The following SOX6 variants were observed in gnomAD, a reference collection of about 807,000 sequenced individuals.
SOX6 encodes the protein transcription factor SOX-6.
SOX6 carries 11 observed loss-of-function variants against 97.8 expected under a neutral mutation model. That is an observed-to-expected ratio of 0.11 (90% CI 0.07 to 0.19). The LOEUF (loss-of-function observed/expected upper bound fraction) is 0.19. Ranked by LOEUF, SOX6 falls within the 10% of genes least tolerant of loss-of-function variation. The probability of loss-of-function intolerance (pLI) is 1.00; values close to 1 mark genes in which losing one functional copy is unlikely to be tolerated. For missense variants in SOX6, 810 were observed against 1,039.5 expected, an observed-to-expected ratio of 0.78 and a Z score of 3.04; for synonymous variants, 360 against 371.4, an observed-to-expected ratio of 0.97 and a Z score of 0.35.
upstream of SOX6, among the ~76,000 whole-genome samples, chr11:16,477,274 A>G (rs570832605): frequency 1.4e-4 from 21 of 152,282 alleles, no homozygotes; most frequent in Admixed American, 7.2e-4. Flanking sequence ...GGCTTGATTC[A>G]ATCTGCAGTT....
At chr11:16,725,773 T>C (rs1161693382) in intron 2 of SOX6, among the ~76,000 whole-genome samples, 1 of 152,166 alleles carries the variant, frequency 6.6e-6, no homozygotes, top group Non-Finnish European at 1.5e-5. Flanking sequence ...TAAATTTCAA[T>C]TAATTGAAAT....
intron 2 of SOX6, among the ~76,000 whole-genome samples, chr11:16,735,920 C>T (rs1296002322): frequency 6.6e-6 from 1 of 152,018 alleles, no homozygotes; most frequent in Non-Finnish European, 1.5e-5. Context: ...TATGGTCAAT[C>T]ATGACTATCC....
At chr11:16,117,138 A>G (rs779575225) in intron 6 of SOX6, among the ~76,000 whole-genome samples, 4 of 152,060 alleles carry the variant, frequency 2.6e-5, no homozygotes, top group African/African-American at 4.8e-5. Context: ...TCAAGAGGTC[A>G]AGAGATTGAG....
intron 4 of SOX6, chr11:16,567,422 C>T (rs1473094795): frequency 1.3e-5 from 2 of 152,204 alleles, no homozygotes; most frequent in East Asian, 3.8e-4. Context: ...TCAATCAAAA[C>T]ACAACATAGG....
At chr11:16,681,515 C>A (rs1340476616) in intron 3 of SOX6, among the ~76,000 whole-genome samples, 4 of 152,196 alleles carry the variant, frequency 2.6e-5, no homozygotes, top group Admixed American at 2.6e-4. Context: ...CAGGAAAGAT[C>A]TAAAATTGAT....
intron 6 of SOX6, among the ~76,000 whole-genome samples, chr11:16,178,295 T>C (rs1851252864): frequency 6.6e-6 from 1 of 152,018 alleles, no homozygotes; most frequent in African/African-American, 2.4e-5. Flanking sequence ...CAGCTTTACC[T>C]ATTCTTTATA....
chr11:16,492,528 A>G (rs1333952597), intron 4 of SOX6, among the ~76,000 whole-genome samples: 2 of 152,230 alleles, frequency 1.3e-5, no homozygotes, highest in Non-Finnish European at 2.9e-5. Context: ...CTCCTTCAGG[A>G]AGGCTTTCTG....
chr11:16,042,996 A>G (rs1855716053), intron 12 of SOX6, among the ~76,000 whole-genome samples: 1 of 152,168 alleles, frequency 6.6e-6, no homozygotes. Flanking sequence ...TCAAACATCA[A>G]GAAGGTCAGA....
intron 3 of SOX6, among the ~76,000 whole-genome samples, chr11:16,641,657 G>T (rs1034972871): frequency 6.6e-6 from 1 of 152,196 alleles, no homozygotes; most frequent in African/African-American, 2.4e-5. Flanking sequence ...TTACCATTAT[G>T]TAATGGCCTT....
At chr11:15,999,220 T>C (rs186989524) in intron 13 of SOX6, among the ~76,000 whole-genome samples, 1 of 152,240 alleles carries the variant, frequency 6.6e-6, no homozygotes, top group East Asian at 1.9e-4. Flanking sequence ...TGGAATGGCT[T>C]AAGTGCTAAA....
intron 4 of SOX6, among the ~76,000 whole-genome samples, chr11:16,206,874 G>A (rs1658544607): frequency 1.3e-5 from 2 of 152,078 alleles, no homozygotes; most frequent in Admixed American, 1.3e-4. Context: ...TTCAGGCATG[G>A]TAGATATGAT....
intron 6 of SOX6, among the ~76,000 whole-genome samples, chr11:16,177,621 A>ATCTCTCTCTCTCTCTCTC (rs71044087): frequency 2.7e-4 from 39 of 145,768 alleles, no homozygotes; most frequent in Admixed American, 6.2e-4. Context: ...GAATAAGATG[A>ATCTCTCTCTCTCTCTCTC]TCTCTCTCTC....
At chr11:16,357,612 C>T (rs1191556372), upstream of SOX6, among the ~76,000 whole-genome samples, 1 of 152,116 alleles carries the variant, frequency 6.6e-6, no homozygotes, top group Non-Finnish European at 1.5e-5. Context: ...ACATTGCTTG[C>T]ACATCATTTG....
At chr11:16,551,606 AT>A (rs957538994) in intron 4 of SOX6, among the ~76,000 whole-genome samples, 1 of 151,886 alleles carries the variant, frequency 6.6e-6, no homozygotes, top group African/African-American at 2.4e-5. Context: ...ATATGAAAAA[AT>A]ATATATATTT....
intron 4 of SOX6, among the ~76,000 whole-genome samples, chr11:16,506,047 C>T (rs1860780343): frequency 6.6e-6 from 1 of 152,182 alleles, no homozygotes; most frequent in Admixed American, 6.5e-5. Flanking sequence ...ACACAGAGTC[C>T]CTGCTGGGGC....
At chr11:16,010,089 AT>A (rs146594071) in intron 13 of SOX6, among the ~76,000 whole-genome samples, 13,378 of 150,996 alleles carry the variant, frequency 0.089, 1,257 homozygotes, top group East Asian at 0.35. Context: ...AATAAAAAAA[AT>A]ATCCTGAGAT....
At chr11:16,069,174 C>T (rs1415375175) in intron 9 of SOX6, among the ~76,000 whole-genome samples, 1 of 152,076 alleles carries the variant, frequency 6.6e-6, no homozygotes, top group Non-Finnish European at 1.5e-5. Context: ...CACCAGAAAA[C>T]AAAATGGTAG....
intron 1 of SOX6, among the ~76,000 whole-genome samples, chr11:16,448,012 C>T (rs1464900404): frequency 6.6e-6 from 1 of 152,184 alleles, no homozygotes; most frequent in African/African-American, 2.4e-5. Flanking sequence ...CCTGGCAGTA[C>T]AGCTGGCAAC....
intron 3 of SOX6, among the ~76,000 whole-genome samples, chr11:16,239,034 T>C (rs1194590161): frequency 6.6e-6 from 1 of 152,080 alleles, no homozygotes; most frequent in Non-Finnish European, 1.5e-5. Flanking sequence ...CAAAATATAT[T>C]TATATCCCCA....
Sources: allele counts gnomAD v4.1 joint callset (sites outside exome capture counted in the v4.1 genomes callset), GRCh38; gene constraint gnomAD v4.1.1; transcripts MANE v1.5; gene names NCBI Gene and HGNC (gene_info 2026-07-23, HGNC 2026-07-21).